Variants in CNTNAP2 observed in about 807,000 individuals in gnomAD.
CNTNAP2 encodes contactin associated protein 2, also known as contactin-associated protein-like 2.
A neutral mutation model predicts 155.2 loss-of-function variants in CNTNAP2; 98 were observed. The observed-to-expected ratio is 0.63, with a 90% CI of 0.54 to 0.75. The LOEUF is 0.75. Among genes scored for constraint, CNTNAP2 ranks in the 30% least tolerant of loss-of-function variants. The probability of loss-of-function intolerance (pLI) is 0.00; values close to 1 mark genes in which losing one functional copy is unlikely to be tolerated. For synonymous variants in CNTNAP2, 651 were observed against 631.2 expected (o/e 1.03, Z -0.47); for missense variants, 1,727 against 1,688.1 (o/e 1.02, Z -0.40).
chr7:147,030,243 C>A (rs1799003678), intron 3 of CNTNAP2, among the ~76,000 whole-genome samples: 2 of 152,138 alleles, frequency 1.3e-5, no homozygotes, highest in African/African-American at 2.4e-5. Context: ...AAATTTGTTG[C>A]TGTTTTTATA....
intron 3 of CNTNAP2, among the ~76,000 whole-genome samples, chr7:146,916,373 C>A (rs755739685): frequency 6.6e-6 from 1 of 151,026 alleles, no homozygotes; most frequent in Non-Finnish European, 1.5e-5. Flanking sequence ...CTTTCTCTTT[C>A]TCTAAAAATA....
intron 1 of CNTNAP2, among the ~76,000 whole-genome samples, chr7:146,575,273 C>T (rs891741643): frequency 2.6e-5 from 4 of 152,086 alleles, no homozygotes; most frequent in African/African-American, 9.7e-5. Context: ...TGCACCACCA[C>T]GCCCGGCTAA....
intron 3 of CNTNAP2, among the ~76,000 whole-genome samples, chr7:146,947,576 CATAT>C (rs748336820): frequency 1.0e-3 from 97 of 96,844 alleles, no homozygotes; most frequent in East Asian, 9.2e-3. Flanking sequence ...TATATATATA[CATAT>C]ATATATATAT....
At chr7:147,499,331 A>G (rs528110849) in intron 11 of CNTNAP2, among the ~76,000 whole-genome samples, 17 of 152,162 alleles carry the variant, frequency 1.1e-4, no homozygotes, top group African/African-American at 3.9e-4. Flanking sequence ...GATCAAGACC[A>G]TCCTGTCTAA....
intron 10 of CNTNAP2, among the ~76,000 whole-genome samples, chr7:147,402,716 G>A (rs1796938022): frequency 6.6e-6 from 1 of 152,138 alleles, no homozygotes; most frequent in Non-Finnish European, 1.5e-5. Flanking sequence ...TTGTTGGGGA[G>A]AGGTTAGGCA....
At chr7:146,327,800 A>G (rs919141000) in intron 1 of CNTNAP2, among the ~76,000 whole-genome samples, 3 of 152,242 alleles carry the variant, frequency 2.0e-5, no homozygotes, top group African/African-American at 7.2e-5. Flanking sequence ...GCTTTATTCC[A>G]TGAAATAAAT....
intron 8 of CNTNAP2, among the ~76,000 whole-genome samples, chr7:147,295,123 A>C (rs1176643913): frequency 6.6e-6 from 1 of 152,182 alleles, no homozygotes; most frequent in African/African-American, 2.4e-5. Context: ...ACAAATACTT[A>C]ATCCACCTAC....
chr7:146,718,269 A>G (rs1469574772), intron 1 of CNTNAP2, among the ~76,000 whole-genome samples: 4 of 152,186 alleles, frequency 2.6e-5, no homozygotes, highest in Non-Finnish European at 5.9e-5. Context: ...TTGTCTACTA[A>G]CCAATGAAAT....
chr7:147,593,373 T>C (rs925349389), intron 12 of CNTNAP2, among the ~76,000 whole-genome samples: 1 of 151,408 alleles, frequency 6.6e-6, no homozygotes, highest in Non-Finnish European at 1.5e-5. Flanking sequence ...GTTAATGTAC[T>C]GATTCTTCTT....
Position 148,364,289 on chromosome 7 carries a change from A to G in CNTNAP2, c.3476-19360A>G, listed in dbSNP as rs28768134. The stretch of plus-strand genomic sequence containing the variant: ...CTGGGCTCCTGAGTCTGGTGGGGAC[A>G]TGGAGAGTCTTTATATCTAGCTCAG... On this transcript the variant is annotated intron_variant, in intron 21 of 23. Transcript: ENST00000361727. Among the ~76,000 whole-genome samples, 1,088 of 152,338 alleles carry G rather than the reference A, an allele frequency of 7.1e-3. 19 individuals carry two copies. Among genetic ancestry groups the G allele is most frequent in the African/African-American group, 0.025 (1,032 of 41,584 alleles).
intron 3 of CNTNAP2, among the ~76,000 whole-genome samples, chr7:146,906,034 G>GGGGTGAC (rs1157858955): frequency 6.6e-6 from 1 of 152,228 alleles, no homozygotes; most frequent in Non-Finnish European, 1.5e-5. Context: ...GTCAAAGAAA[G>GGGGTGAC]GGGTGACGGA....
chr7:147,245,020 G>A (rs1278473324), intron 8 of CNTNAP2, among the ~76,000 whole-genome samples: 1 of 152,118 alleles, frequency 6.6e-6, no homozygotes, highest in Non-Finnish European at 1.5e-5. Context: ...GAAATTTCTA[G>A]AGGGCCTTAG....
At chr7:148,199,644 G>A (rs1795336078) in intron 18 of CNTNAP2, among the ~76,000 whole-genome samples, 1 of 152,210 alleles carries the variant, frequency 6.6e-6, no homozygotes, top group Non-Finnish European at 1.5e-5. Flanking sequence ...TTGAAACGGG[G>A]CTAGTTCAAA....
intron 1 of CNTNAP2, among the ~76,000 whole-genome samples, chr7:146,422,811 G>A (rs747968960): frequency 2.0e-5 from 3 of 152,116 alleles, no homozygotes; most frequent in Non-Finnish European, 2.9e-5. Flanking sequence ...TTAAAGTAGT[G>A]ATAGTCTGCC....
At chr7:146,337,300 A>AT (rs1491461152) in intron 1 of CNTNAP2, among the ~76,000 whole-genome samples, 3 of 144,102 alleles carry the variant, frequency 2.1e-5, no homozygotes, top group South Asian at 4.2e-4. Flanking sequence ...TTGTTCTAAC[A>AT]TAAAAAAAAA....
chr7:147,635,184 C>CTATATATATATATATATA lies in CNTNAP2; in HGVS notation c.1898-3905_1898-3904insATATATATATATATATAT, dbSNP rs57395379. Among the ~76,000 whole-genome samples the CTATATATATATATATATA allele has an allele frequency of 3.0e-3, 418 of 137,078 alleles. 13 individuals carry two copies. Among genetic ancestry groups the CTATATATATATATATATA allele is most frequent in the African/African-American group, 0.012 (398 of 32,030 alleles). 89.9% of individuals were successfully genotyped at this position (137,078 alleles called of 152,430 possible). A position where few individuals can be genotyped will look rare whatever the true frequency, so the allele number is the denominator to read the frequency against. ...TCTCCCAGCCATTATCACTGGCAAA[C>CTATATATATATATATATA]TATATATATATATATATGTTTAATT... On this transcript the variant is annotated intron_variant, in intron 12 of 23. Transcript: ENST00000361727.
intron 11 of CNTNAP2, among the ~76,000 whole-genome samples, chr7:147,555,289 C>G (rs1799931080): frequency 1.3e-5 from 2 of 152,144 alleles, no homozygotes; most frequent in Non-Finnish European, 2.9e-5. Flanking sequence ...CCCAGATAAG[C>G]CCCATATAAA....
intron 12 of CNTNAP2, among the ~76,000 whole-genome samples, chr7:147,577,278 C>T (rs1486842847): frequency 1.3e-5 from 2 of 152,004 alleles, no homozygotes; most frequent in Non-Finnish European, 2.9e-5. Flanking sequence ...TTACATTTTG[C>T]TTTGCTCATT....
intron 1 of CNTNAP2, among the ~76,000 whole-genome samples, chr7:146,446,212 A>G (rs1307294769): frequency 6.6e-6 from 1 of 152,216 alleles, no homozygotes; most frequent in Non-Finnish European, 1.5e-5. Flanking sequence ...TTTAATAATA[A>G]TCATGATAAT....
Sources: allele counts gnomAD v4.1 joint callset (sites outside exome capture counted in the v4.1 genomes callset), GRCh38; gene constraint gnomAD v4.1.1; transcripts MANE v1.5; gene names NCBI Gene and HGNC (gene_info 2026-07-23, HGNC 2026-07-21).